Variants in ERC1 observed in about 807,000 individuals in gnomAD.
ERC1 encodes the protein ELKS/RAB6-interacting/CAST family member 1.
In ERC1, 56 loss-of-function variants were observed where a neutral mutation model predicts 132.0. That is an observed-to-expected ratio of 0.42 (90% CI 0.34 to 0.53). ERC1 has a LOEUF of 0.53. Among genes scored for constraint, ERC1 ranks in the 20% least tolerant of loss-of-function variants. ERC1 has a pLI of 0.03. For missense variants in ERC1, 1,202 were observed against 1,349.9 expected, an observed-to-expected ratio of 0.89 and a Z score of 1.72; for synonymous variants, 478 against 476.1, an observed-to-expected ratio of 1.00 and a Z score of -0.05.
intron 14 of ERC1, among the ~76,000 whole-genome samples, chr12:1,277,129 T>C (rs1031056885): frequency 6.6e-6 from 1 of 152,238 alleles, no homozygotes; most frequent in African/African-American, 2.4e-5. Context: ...AACAGAGGGC[T>C]TATATGTCTC....
chr12:1,308,364 G>A (rs2081040757), intron 15 of ERC1, among the ~76,000 whole-genome samples: 1 of 151,940 alleles, frequency 6.6e-6, no homozygotes. Flanking sequence ...ATTAAAATTA[G>A]GACATTTCAA....
chr12:1,245,952 T>C (rs1000906595), intron 13 of ERC1, among the ~76,000 whole-genome samples: 3 of 152,142 alleles, frequency 2.0e-5, no homozygotes, highest in Non-Finnish European at 4.4e-5. Context: ...TTTTTTTAAA[T>C]AGAGACTGAG....
At chr12:1,157,141 C>G (rs1951476029) in intron 8 of ERC1, among the ~76,000 whole-genome samples, 1 of 152,150 alleles carries the variant, frequency 6.6e-6, no homozygotes, top group African/African-American at 2.4e-5. Flanking sequence ...CTCACTCTGT[C>G]ACCCAGGCTG....
intron 1 of ERC1, among the ~76,000 whole-genome samples, chr12:996,603 A>T (rs376679447): frequency 7.2e-5 from 11 of 152,294 alleles, no homozygotes; most frequent in African/African-American, 1.9e-4. Flanking sequence ...TAAATTAAAA[A>T]AAATCATTCT....
Position 1,190,012 on chromosome 12 carries a change from GAGA to G in ERC1, c.2316_2318del (p.Lys772del), listed in dbSNP as rs761830695. 1 of 1,614,024 alleles carries G rather than the reference GAGA, an allele frequency of 6.2e-7. No individual in the cohort carries two copies. The highest frequency in any genetic ancestry group is 8.5e-7 in the Non-Finnish European group (1 of 1,179,950). ...AGAAATCTTGAAGGAGGTGGAAAAT[GAGA>G]AGAATGACAAAGATAAGAAGATAGC... On this transcript the variant is annotated inframe_deletion, in exon 12 of 19. Transcript: ENST00000360905.
At chr12:1,112,974 G>A (rs1946050431) in intron 6 of ERC1, among the ~76,000 whole-genome samples, 1 of 151,844 alleles carries the variant, frequency 6.6e-6, no homozygotes, top group South Asian at 2.1e-4. Flanking sequence ...TTATTTTCAG[G>A]GTAAAAAAAT....
intron 8 of ERC1, among the ~76,000 whole-genome samples, chr12:1,176,009 A>G (rs542046412): frequency 3.4e-4 from 52 of 152,296 alleles, no homozygotes; most frequent in Admixed American, 2.0e-3. Context: ...TCTCCTGTTA[A>G]TGTTGATATT....
chr12:1,331,656 C>G (rs145043526), intron 15 of ERC1, among the ~76,000 whole-genome samples: 1 of 152,150 alleles, frequency 6.6e-6, no homozygotes, highest in Non-Finnish European at 1.5e-5. Flanking sequence ...GGTGAGTACA[C>G]GATTGCAGTT....
At chr12:1,182,858 G>C (rs1289364397) in intron 10 of ERC1, among the ~76,000 whole-genome samples, 2 of 151,814 alleles carry the variant, frequency 1.3e-5, no homozygotes, top group Non-Finnish European at 2.9e-5. Context: ...GTGAAGACAG[G>C]GTCTTGCTAT....
chr12:1,242,704 G>A (rs1214896820), intron 13 of ERC1, among the ~76,000 whole-genome samples: 1 of 152,168 alleles, frequency 6.6e-6, no homozygotes, highest in Non-Finnish European at 1.5e-5. Flanking sequence ...GGACTAGGTA[G>A]TAGTAACATA....
At chr12:1,119,424 T>C (rs755161147) in intron 7 of ERC1, among the ~76,000 whole-genome samples, 7 of 152,150 alleles carry the variant, frequency 4.6e-5, no homozygotes. Context: ...GTTAAAAGCA[T>C]GGTCTTTGGT....
At chr12:1,183,234 T>A in intron 10 of ERC1, 47 bp from the exon 11 acceptor site, 4 of 771,212 alleles carry the variant, frequency 5.2e-6, no homozygotes, top group Non-Finnish European at 5.7e-6. Flanking sequence ...TTTAAACCTC[T>A]ATTTTTTTTA....
chr12:1,114,008 T>C (rs529648827), intron 6 of ERC1, among the ~76,000 whole-genome samples: 1 of 152,102 alleles, frequency 6.6e-6, no homozygotes, highest in Non-Finnish European at 1.5e-5. Flanking sequence ...TAAACTCTGC[T>C]TTTCTTTTCT....
At chr12:1,022,777 C>T (rs913026399) in intron 1 of ERC1, among the ~76,000 whole-genome samples, 1 of 152,082 alleles carries the variant, frequency 6.6e-6, no homozygotes, top group Admixed American at 6.6e-5. Flanking sequence ...GTGAGCACGT[C>T]TGGGTAATAT....
rs142355989 is a variant in ERC1, at chr12:1,404,153, A to C, written c.2926-3996A>C. ...TTTGGAGACCAGAAGTGCAAGATCA[A>C]GGCAGCAGCAGATTCGGTGTCTGAT... On this transcript the variant is annotated intron_variant, in intron 16 of 18. Coordinates refer to ENST00000360905, the MANE Select transcript of ERC1 (RefSeq NM_178040.4). 2.7e-3 allele frequency among the ~76,000 whole-genome samples: 413 copies of C among 152,352 alleles called. 2 individuals are homozygous for C. The highest frequency in any genetic ancestry group is 4.5e-3 in the Non-Finnish European group (307 of 68,030).
chr12:1,280,732 C>A (rs1235591625), intron 14 of ERC1, among the ~76,000 whole-genome samples: 1 of 152,172 alleles, frequency 6.6e-6, no homozygotes, highest in African/African-American at 2.4e-5. Context: ...CAAACATACA[C>A]GTATCATATA....
chr12:1,122,207 C>CTA (rs1566018439), intron 7 of ERC1, among the ~76,000 whole-genome samples: 1 of 59,280 alleles, frequency 1.7e-5, no homozygotes, highest in Non-Finnish European at 3.1e-5. Context: ...CTATCTGTGT[C>CTA]TCTATCTCTA....
intron 16 of ERC1, among the ~76,000 whole-genome samples, chr12:1,377,391 C>T (rs2088069061): frequency 6.6e-6 from 1 of 151,708 alleles, no homozygotes; most frequent in Admixed American, 6.6e-5. Flanking sequence ...GACATTCTAG[C>T]ACACATTCAC....
intron 18 of ERC1, among the ~76,000 whole-genome samples, chr12:1,482,817 G>T (rs1233251804): frequency 6.6e-6 from 1 of 152,104 alleles, no homozygotes; most frequent in Non-Finnish European, 1.5e-5. Context: ...ACATAATTCA[G>T]TAGATTTAGT....
Sources: allele counts gnomAD v4.1 joint callset (sites outside exome capture counted in the v4.1 genomes callset), GRCh38; gene constraint gnomAD v4.1.1; transcripts MANE v1.5; gene names NCBI Gene and HGNC (gene_info 2026-07-23, HGNC 2026-07-21).